The following SDK1 variants were observed in gnomAD, a reference collection of about 807,000 sequenced individuals.
The protein encoded by SDK1 is protein sidekick-1.
In SDK1, 157 loss-of-function variants were observed where a neutral mutation model predicts 245.5. The observed-to-expected ratio is 0.64, with a 90% CI of 0.56 to 0.73. The LOEUF is 0.73. Among genes scored for constraint, SDK1 ranks in the 30% least tolerant of loss-of-function variants. The pLI is 0.00. For synonymous variants in SDK1, 1,647 were observed against 1,278.5 expected (o/e 1.29, Z -6.15); for missense variants, 3,583 against 3,002.3 (o/e 1.19, Z -4.52).
intron 5 of SDK1, among the ~76,000 whole-genome samples, chr7:3,891,374 G>A (rs1261292605): frequency 6.6e-6 from 1 of 152,178 alleles, no homozygotes; most frequent in African/African-American, 2.4e-5. Context: ...GAAGGTGCTG[G>A]AAGACATGCT....
At chr7:3,808,386 C>G (rs1421550033) in intron 4 of SDK1, among the ~76,000 whole-genome samples, 1 of 152,156 alleles carries the variant, frequency 6.6e-6, no homozygotes, top group Non-Finnish European at 1.5e-5. Flanking sequence ...CCTCTGAAAT[C>G]CTACACAGAA....
chr7:3,325,944 G>C (rs944627109), intron 1 of SDK1, among the ~76,000 whole-genome samples: 1 of 152,036 alleles, frequency 6.6e-6, no homozygotes, highest in Admixed American at 6.6e-5. Flanking sequence ...CATCTCGCTT[G>C]GTTGTATCCA....
Position 3,469,629 on chromosome 7 carries a change from A to G in SDK1, c.299-149451A>G, listed in dbSNP as rs148448619. Reference sequence around the variant, plus strand: ...TGTATGCCTAGCTTTTCCTTATCCAATGACCTTTGTAAAGACTTTGTATTC... The same window carrying G: ...TGTATGCCTAGCTTTTCCTTATCCAGTGACCTTTGTAAAGACTTTGTATTC... On this transcript the variant is annotated intron_variant, in intron 1 of 44. Transcript: ENST00000404826. Among the ~76,000 whole-genome samples, 482 of 152,228 alleles carry G rather than the reference A, an allele frequency of 3.2e-3. 3 individuals carry two copies. Among genetic ancestry groups the G allele is most frequent in the Non-Finnish European group, 3.9e-3 (268 of 68,012 alleles).
At chr7:4,235,069 G>C (rs1012221604) in intron 41 of SDK1, among the ~76,000 whole-genome samples, 1 of 152,174 alleles carries the variant, frequency 6.6e-6, no homozygotes, top group Non-Finnish European at 1.5e-5. Context: ...CTGTGGGTGA[G>C]CGTGGGCCCT....
rs576847189 is a variant in SDK1 at position 3,491,592 on chromosome 7, A to G, written c.299-127488A>G. 4.6e-5 allele frequency among the ~76,000 whole-genome samples: 7 copies of G among 152,304 alleles called. No individual in the cohort carries two copies. The East Asian group carries it at 1.4e-3, about 29-fold the overall frequency. ...GAAATTACCTATTTTGCCTGATGAG[A>G]TTTACTTAGAAAGGGAAATAAACAC... On this transcript the variant is annotated intron_variant, in intron 1 of 44. Transcript: ENST00000404826.
At chr7:3,411,900 C>T (rs1779219700) in intron 1 of SDK1, among the ~76,000 whole-genome samples, 3 of 152,100 alleles carry the variant, frequency 2.0e-5, no homozygotes, top group African/African-American at 7.2e-5. Flanking sequence ...GGGTATATTG[C>T]AGGTTCTTAC....
At position 4,081,608 on chromosome 7, in the gene SDK1, C is replaced by T. The variant is rs918185909; in HGVS notation, c.3324+2024C>T. ...CCAATTTTTTGTATTTTAGTAGAGA[C>T]GGGGTTTCACCATGTTAGCCAGGAT... is the stretch of plus-strand genomic sequence containing the variant. On this transcript the variant is annotated intron_variant, in intron 22 of 44. Transcript: ENST00000404826. Among the ~76,000 whole-genome samples, 5 of 151,994 alleles carry T rather than the reference C, an allele frequency of 3.3e-5. No individual in the cohort carries two copies. In the East Asian group the frequency reaches 5.8e-4, roughly 18 times the overall value.
chr7:3,730,398 G>A (rs1021523569), intron 4 of SDK1, among the ~76,000 whole-genome samples: 4 of 152,140 alleles, frequency 2.6e-5, no homozygotes, highest in African/African-American at 9.7e-5. Context: ...ATAGAACTTT[G>A]CCAAGATTCT....
At chr7:3,611,511 A>G (rs1287804391) in intron 1 of SDK1, among the ~76,000 whole-genome samples, 2 of 152,058 alleles carry the variant, frequency 1.3e-5, no homozygotes, top group South Asian at 2.1e-4. Flanking sequence ...TCCTAAAACA[A>G]TCATAGGTCT....
chr7:3,603,792 G>A (rs191577375), intron 1 of SDK1, among the ~76,000 whole-genome samples: 29 of 152,034 alleles, frequency 1.9e-4, no homozygotes, highest in Admixed American at 4.6e-4. Context: ...TAGTTTTTGC[G>A]CATTCAGTAT....
chr7:3,476,067 CAATTT>C (rs573964572), intron 1 of SDK1: 72 of 152,694 alleles, frequency 4.7e-4, no homozygotes, highest in Admixed American at 9.8e-4. Context: ...TTTTAAAACT[CAATTT>C]AAAACCTATT....
intron 4 of SDK1, among the ~76,000 whole-genome samples, chr7:3,764,223 C>T (rs1375860003): frequency 6.6e-6 from 1 of 152,052 alleles, no homozygotes; most frequent in African/African-American, 2.4e-5. Flanking sequence ...TATTTTTGCT[C>T]CTAGGTTCTG....
At chr7:3,849,225 A>C (rs917098553) in intron 5 of SDK1, among the ~76,000 whole-genome samples, 2 of 152,170 alleles carry the variant, frequency 1.3e-5, no homozygotes, top group Non-Finnish European at 2.9e-5. Context: ...ACATGTCTTC[A>C]GGATGCTCCA....
intron 8 of SDK1, among the ~76,000 whole-genome samples, chr7:3,959,995 C>A (rs1781552913): frequency 2.0e-5 from 3 of 152,254 alleles, no homozygotes; most frequent in African/African-American, 7.2e-5. Flanking sequence ...TGTATTCTGG[C>A]AACTATCAGG....
rs567574328 is a variant in SDK1 at position 4,226,432 on chromosome 7, G to T, written c.5827+5068G>T. ...CCAGCGGGCCTGGGCAGCCCGGGCA[G>T]ATGGTAGTGGAGCGTGCTGCCCTCC... On this transcript the variant is annotated intron_variant, in intron 40 of 44. Transcript: ENST00000404826. Among the ~76,000 whole-genome samples, 106 of 152,390 alleles carry T rather than the reference G, an allele frequency of 7.0e-4. 1 individual carries two copies. Among genetic ancestry groups the T allele is most frequent in the Non-Finnish European group, 1.2e-3 (79 of 68,038 alleles).
rs142619267 is a variant in SDK1, at chr7:3,790,568, G to T, written c.714-30882G>T. 5.8e-3 allele frequency among the ~76,000 whole-genome samples: 878 copies of T among 152,312 alleles called. 6 individuals carry two copies. Among genetic ancestry groups the T allele is most frequent in the African/African-American group, 0.02 (822 of 41,566 alleles). ...CACACCTGTAATCCCAGCACTTTGG[G>T]AGGCTGAGGTGGGTGGATCACTTGA... On this transcript the variant is annotated intron_variant, in intron 4 of 44. Transcript: ENST00000404826.
chr7:3,557,208 C>T (rs1219595418), intron 1 of SDK1, among the ~76,000 whole-genome samples: 1 of 151,918 alleles, frequency 6.6e-6, no homozygotes, highest in Non-Finnish European at 1.5e-5. Context: ...AAATCTGTAA[C>T]AAAATCGAGA....
At chr7:3,467,975 A>G (rs1781059614) in intron 1 of SDK1, among the ~76,000 whole-genome samples, 2 of 102,082 alleles carry the variant, frequency 2.0e-5, no homozygotes, top group East Asian at 6.3e-4. Context: ...CATTGTTGTC[A>G]TGTTTTTTTA....
intron 4 of SDK1, among the ~76,000 whole-genome samples, chr7:3,796,035 T>C (rs1443638396): frequency 6.6e-6 from 1 of 152,226 alleles, no homozygotes; most frequent in Non-Finnish European, 1.5e-5. Flanking sequence ...TCAACCAGCC[T>C]GCTCTGGAGT....
Sources: gnomAD v4.1 joint callset for allele counts (sites outside exome capture counted in the v4.1 genomes callset) on GRCh38, gnomAD v4.1.1 for gene constraint, MANE v1.5 for transcripts, NCBI Gene and HGNC (gene_info 2026-07-23, HGNC 2026-07-21) for gene names.